ZDHHC9: variants seen among roughly 807,000 people sequenced by gnomAD.
ZDHHC9 encodes the protein zDHHC palmitoyltransferase 9.
Under a neutral mutation model 26.6 loss-of-function variants are expected in ZDHHC9, and 3 were observed. The observed-to-expected ratio is 0.11, with a 90% CI of 0.05 to 0.29. The LOEUF is 0.29. Among genes scored for constraint, ZDHHC9 ranks in the 10% least tolerant of loss-of-function variants. ZDHHC9 has a pLI of 1.00. For missense variants in ZDHHC9, 146 were observed against 296.4 expected (o/e 0.49, Z 3.73); for synonymous variants, 111 against 109.4 (o/e 1.01, Z -0.09).
Position 129,810,876 on chromosome X carries a change from C to T in ZDHHC9, c.978+29G>A, listed in dbSNP as rs779702410. On this transcript the variant is annotated intron_variant, in intron 10 of 10. Transcript: ENST00000357166. ...AAATTAGCCTCCGCCCTCTCTATAT[C>T]GACCCAGCCTTAAGTCAGGAACACT... is the stretch of plus-strand genomic sequence containing the variant. The T allele has an allele frequency of 9.4e-4, 1,097 of 1,170,748 alleles. 7 individuals carry two copies. The South Asian group carries it at 0.019, about 20-fold the overall frequency.
chrX:129,832,234 T>A (rs1928157509), intron 3 of ZDHHC9, among the ~76,000 whole-genome samples: 1 of 110,737 alleles, frequency 9.0e-6, no homozygotes, highest in African/African-American at 3.3e-5. Flanking sequence ...AATCCCATAA[T>A]TGCTATAAGC....
At chrX:129,836,494 C>T (rs1007862244) in intron 3 of ZDHHC9, among the ~76,000 whole-genome samples, 1 of 111,339 alleles carries the variant, frequency 9.0e-6, no homozygotes, top group Non-Finnish European at 1.9e-5. Flanking sequence ...CATGTTGGCC[C>T]GGCTGGTCTC....
At chrX:129,832,081 T>G (rs915297709) in intron 3 of ZDHHC9, among the ~76,000 whole-genome samples, 100 of 109,863 alleles carry the variant, frequency 9.1e-4, no homozygotes, top group Non-Finnish European at 1.6e-3. Context: ...CATATGTTAA[T>G]TAGCTTGATT....
intron 5 of ZDHHC9, among the ~76,000 whole-genome samples, chrX:129,818,396 T>C (rs753060149): frequency 2.7e-5 from 3 of 112,266 alleles, no homozygotes; most frequent in Non-Finnish European, 3.8e-5. Context: ...TGCTGGGTCA[T>C]GTGGTAATTC....
At chrX:129,821,418 G>A (rs1269949901) in intron 5 of ZDHHC9, among the ~76,000 whole-genome samples, 1 of 106,211 alleles carries the variant, frequency 9.4e-6, no homozygotes, top group African/African-American at 3.5e-5. Flanking sequence ...TTAGCCTCCC[G>A]AGTAGCTGGG....
chrX:129,838,917 C>T (rs1043715968), intron 3 of ZDHHC9, among the ~76,000 whole-genome samples: 1 of 112,284 alleles, frequency 8.9e-6, no homozygotes, highest in Non-Finnish European at 1.9e-5. Flanking sequence ...CACCCACATG[C>T]CTGACCAGAC....
At chrX:129,810,260 T>C (rs1391082483) in intron 10 of ZDHHC9, among the ~76,000 whole-genome samples, 1 of 105,242 alleles carries the variant, frequency 9.5e-6, no homozygotes, top group Non-Finnish European at 1.9e-5. Flanking sequence ...AGGCAGAGAA[T>C]TGCTTGAACC....
chrX:129,813,168 G>C (rs895803227), intron 7 of ZDHHC9, among the ~76,000 whole-genome samples: 2 of 112,061 alleles, frequency 1.8e-5, no homozygotes, highest in Admixed American at 1.9e-4. Flanking sequence ...GGAGGCCAAG[G>C]TGGGCGGATC....
chrX:129,830,518 G>A (rs922997260), intron 3 of ZDHHC9, among the ~76,000 whole-genome samples: 2 of 111,879 alleles, frequency 1.8e-5, no homozygotes, highest in Non-Finnish European at 3.8e-5. Flanking sequence ...TTGTTGATCT[G>A]AACTGAATTT....
At chrX:129,825,730 C>T (rs1176208098) in intron 4 of ZDHHC9, among the ~76,000 whole-genome samples, 1 of 111,258 alleles carries the variant, frequency 9.0e-6, no homozygotes, top group African/African-American at 3.3e-5. Flanking sequence ...ATTTCTAAAA[C>T]AGAAAGAATA....
At chrX:129,837,634 G>A (rs1323939849) in intron 3 of ZDHHC9, among the ~76,000 whole-genome samples, 1 of 111,972 alleles carries the variant, frequency 8.9e-6, no homozygotes, top group Non-Finnish European at 1.9e-5. Flanking sequence ...GACAGAACCT[G>A]GTCTGACAGT....
intron 3 of ZDHHC9, among the ~76,000 whole-genome samples, chrX:129,830,572 C>G (rs1928118326): frequency 9.0e-6 from 1 of 111,605 alleles, no homozygotes; most frequent in African/African-American, 3.3e-5. Context: ...TATCGCTGAC[C>G]TATTTTTATC....
In ZDHHC9 at chrX:129,804,833, T is replaced by G. The variant is rs775620846; in HGVS notation, c.*1537A>C. The G allele has an allele frequency of 2.7e-5, 3 of 111,497 alleles. No homozygotes were observed. The highest frequency in any genetic ancestry group is 9.8e-5 in the African/African-American group (3 of 30,668). 9.2% of individuals were successfully genotyped at this position (111,497 alleles called of 1,213,427 possible). ...CTCTCCAACCCAAGGGTGCCCTGGT[T>G]AATGGAAGTTTGGGGAGTAACAAGC... is the stretch of plus-strand genomic sequence containing the variant. On this transcript the variant is annotated 3_prime_UTR_variant, in exon 11 of 11. Coordinates refer to ENST00000357166, the MANE Select transcript of ZDHHC9 (RefSeq NM_016032.4).
rs1055772305 is a variant in ZDHHC9 at position 129,805,267 on chromosome X, G to A, written c.*1103C>T. ...CGAGGCCTTAGGGTGAGTTACCCGA[G>A]AGGGCAGCAGTGCTGGGCTTTCCCT... On this transcript the variant is annotated 3_prime_UTR_variant, in exon 11 of 11. Coordinates refer to ENST00000357166, the MANE Select transcript of ZDHHC9 (RefSeq NM_016032.4). The A allele has an allele frequency of 3.6e-5, 4 of 111,969 alleles. No homozygotes were observed. Among genetic ancestry groups the A allele is most frequent in the Non-Finnish European group, 5.7e-5 (3 of 53,086 alleles). 9.2% of individuals were successfully genotyped at this position (111,969 alleles called of 1,213,427 possible).
Position 129,805,843 on chromosome X carries a change from G to T in ZDHHC9, c.*527C>A, listed in dbSNP as rs1011090277. The T allele has an allele frequency of 4.1e-5, 5 of 121,017 alleles. No individual in the cohort carries two copies. Among genetic ancestry groups the T allele is most frequent in the African/African-American group, 1.6e-4 (5 of 30,606 alleles). 10.0% of individuals were successfully genotyped at this position (121,017 alleles called of 1,213,427 possible). A position where few individuals can be genotyped will look rare whatever the true frequency, so the allele number is the denominator to read the frequency against. On this transcript the variant is annotated 3_prime_UTR_variant, in exon 11 of 11. Transcript: ENST00000357166. ...ACCTGTCCCATTCCTAAAAGGATTT[G>T]TGGGCAATGCTGGCACTTGGTGGCC...
chrX:129,831,437 C>T (rs1928136853), intron 3 of ZDHHC9, among the ~76,000 whole-genome samples: 1 of 111,915 alleles, frequency 8.9e-6, no homozygotes, highest in Non-Finnish European at 1.9e-5. Context: ...GGAAAACATA[C>T]AGAGTGAGTA....
At chrX:129,811,057 G>A in intron 9 of ZDHHC9, 56 bp from the exon 10 acceptor site, 1 of 1,071,037 alleles carries the variant, frequency 9.3e-7, no homozygotes. Flanking sequence ...CCACCCACCT[G>A]GCCTACGGAA....
intron 5 of ZDHHC9, 141 bp from the exon 6 acceptor site, chrX:129,814,936 T>TC: frequency 1.5e-6 from 1 of 684,546 alleles, no homozygotes. Context: ...TTTTTTTTTT[T>TC]ACTTTTTCAA....
intron 6 of ZDHHC9, among the ~76,000 whole-genome samples, chrX:129,814,425 C>A (rs1473180972): frequency 8.9e-6 from 1 of 111,970 alleles, no homozygotes; most frequent in Non-Finnish European, 1.9e-5. Context: ...GTAATTATGG[C>A]CCCAGTGCCC....
Sources: gnomAD v4.1 joint callset for allele counts (sites outside exome capture counted in the v4.1 genomes callset) on GRCh38, gnomAD v4.1.1 for gene constraint, MANE v1.5 for transcripts, NCBI Gene and HGNC (gene_info 2026-07-23, HGNC 2026-07-21) for gene names.